Variants in FRMD4A observed in about 807,000 individuals in gnomAD.
FRMD4A encodes FERM domain containing 4A, also known as FERM domain-containing protein 4A.
In FRMD4A, 29 loss-of-function variants were observed where a neutral mutation model predicts 129.1. The ratio of observed to expected loss-of-function variants is 0.22; its 90% CI spans 0.17 to 0.31. The LOEUF is 0.31. Ranked by LOEUF, FRMD4A falls within the 10% of genes least tolerant of loss-of-function variation. The probability of loss-of-function intolerance (pLI) is 1.00; values close to 1 mark genes in which losing one functional copy is unlikely to be tolerated. For missense variants in FRMD4A, 1,272 were observed against 1,375.8 expected (o/e 0.92, Z 1.19); for synonymous variants, 634 against 571.6 (o/e 1.11, Z -1.56).
At chr10:14,264,756 T>C (rs1296551189) in intron 2 of FRMD4A, among the ~76,000 whole-genome samples, 1 of 152,200 alleles carries the variant, frequency 6.6e-6, no homozygotes, top group Non-Finnish European at 1.5e-5. Flanking sequence ...CTGTAATCCA[T>C]TAACATTATC....
chr10:14,105,924 C>G (rs903339712), intron 2 of FRMD4A, among the ~76,000 whole-genome samples: 4 of 152,170 alleles, frequency 2.6e-5, no homozygotes, highest in Non-Finnish European at 5.9e-5. Flanking sequence ...GTGGTGGTAT[C>G]TCCTTCCACC....
At chr10:14,310,103 G>A (rs1453353078) in intron 2 of FRMD4A, among the ~76,000 whole-genome samples, 3 of 152,170 alleles carry the variant, frequency 2.0e-5, no homozygotes, top group Non-Finnish European at 2.9e-5. Context: ...ACCTCTCATC[G>A]AGGATGTGGC....
At chr10:13,890,834 TAAG>T (rs2131161881) in intron 2 of FRMD4A, 2 of 985,322 alleles carry the variant, frequency 2.0e-6, no homozygotes, top group Admixed American at 1.2e-4. Flanking sequence ...GGATGTCTAT[TAAG>T]AAGCCGTCGC....
chr10:14,259,868 G>A (rs1044172279), intron 2 of FRMD4A, among the ~76,000 whole-genome samples: 1 of 151,804 alleles, frequency 6.6e-6, no homozygotes, highest in Non-Finnish European at 1.5e-5. Context: ...CAGCTACATG[G>A]CTCCAGCTGT....
intron 2 of FRMD4A, among the ~76,000 whole-genome samples, chr10:13,964,711 CA>C (rs2095473386): frequency 2.1e-5 from 3 of 145,786 alleles, no homozygotes; most frequent in African/African-American, 5.0e-5. Context: ...TTCGCTCTGT[CA>C]CCAGGCTGGA....
chr10:14,323,618 G>A (rs1198426780), intron 2 of FRMD4A, among the ~76,000 whole-genome samples: 1 of 152,024 alleles, frequency 6.6e-6, no homozygotes. Flanking sequence ...TGATAAAATA[G>A]CATCCTCCCT....
In FRMD4A at chr10:13,657,540, G is replaced by A. The variant is rs758569966; in HGVS notation, c.2067-18C>T. 1 of 1,549,804 alleles carries A rather than the reference G, an allele frequency of 6.5e-7. No homozygotes were observed. The highest frequency in any genetic ancestry group is 1.3e-5 in the African/African-American group (1 of 74,242). On this transcript the variant is annotated intron_variant, in intron 21 of 24. Coordinates refer to ENST00000357447, the MANE Select transcript of FRMD4A (RefSeq NM_018027.5). ...CCACCGACCTGCCGGGAGACGACCC[G>A]GGTTGGTCTGGGGGTGGGGAGTGGG... is the stretch of plus-strand genomic sequence containing the variant.
chr10:14,177,229 G>T (rs1002214952), intron 2 of FRMD4A, among the ~76,000 whole-genome samples: 1 of 151,468 alleles, frequency 6.6e-6, no homozygotes, highest in Non-Finnish European at 1.5e-5. Context: ...ACAAAGTATC[G>T]CTCTGTTGCC....
At chr10:14,090,256 A>T (rs1320825713) in intron 2 of FRMD4A, among the ~76,000 whole-genome samples, 1 of 152,236 alleles carries the variant, frequency 6.6e-6, no homozygotes, top group Non-Finnish European at 1.5e-5. Flanking sequence ...CGTGGTATTC[A>T]CAGGGTACAC....
At chr10:13,781,368 C>CTTTTTTTT (rs1161094661) in intron 6 of FRMD4A, among the ~76,000 whole-genome samples, 2 of 70,710 alleles carry the variant, frequency 2.8e-5, no homozygotes, top group Non-Finnish European at 5.3e-5. Context: ...ATGGATGAAC[C>CTTTTTTTT]TTTTTTTTTT....
intron 2 of FRMD4A, among the ~76,000 whole-genome samples, chr10:14,061,477 G>A (rs1417305921): frequency 2.0e-5 from 3 of 152,066 alleles, no homozygotes; most frequent in East Asian, 1.9e-4. Flanking sequence ...ATAAAAATAA[G>A]CTGTCATTTT....
At chr10:13,927,838 A>T (rs867713319) in intron 2 of FRMD4A, among the ~76,000 whole-genome samples, 43 of 152,210 alleles carry the variant, frequency 2.8e-4, no homozygotes, top group African/African-American at 1.0e-3. Context: ...ATTTGGAGCA[A>T]GTAAGTTAAG....
intron 2 of FRMD4A, among the ~76,000 whole-genome samples, chr10:14,052,975 G>T (rs11818908): frequency 1.3e-5 from 2 of 151,930 alleles, no homozygotes; most frequent in Non-Finnish European, 2.9e-5. Flanking sequence ...CCCACAACCC[G>T]AACATCTCTC....
intron 2 of FRMD4A, among the ~76,000 whole-genome samples, chr10:14,065,371 G>T (rs1222728471): frequency 6.6e-6 from 1 of 152,106 alleles, no homozygotes; most frequent in Non-Finnish European, 1.5e-5. Flanking sequence ...TTTTAGTAGA[G>T]ACAGGGTTTC....
intron 2 of FRMD4A, among the ~76,000 whole-genome samples, chr10:14,257,567 A>G (rs563627921): frequency 9.5e-4 from 144 of 152,318 alleles, no homozygotes; most frequent in Non-Finnish European, 1.7e-3. Flanking sequence ...CTTATTTAAA[A>G]ACTGGATATT....
chr10:14,173,488 G>T lies in FRMD4A; in HGVS notation c.45+156570C>A, dbSNP rs551743244. On this transcript the variant is annotated intron_variant, in intron 2 of 24. Transcript: ENST00000357447. ...TTCTGCAGGTCTGCTATTTTTCCGA[G>T]AACACACTGGCCTCCAGAATGCATT... Among the ~76,000 whole-genome samples the T allele has an allele frequency of 1.1e-4, 17 of 152,236 alleles. No individual in the cohort carries two copies. In the South Asian group the frequency reaches 3.5e-3, roughly 32 times the overall value.
chr10:14,118,084 G>A (rs1838295269), intron 2 of FRMD4A, among the ~76,000 whole-genome samples: 1 of 152,182 alleles, frequency 6.6e-6, no homozygotes, highest in Non-Finnish European at 1.5e-5. Context: ...CTGCCACATG[G>A]TGATATTTTA....
chr10:13,750,206 G>A (rs1283761925), intron 8 of FRMD4A, among the ~76,000 whole-genome samples: 270 of 17,918 alleles, frequency 0.015, 3 homozygotes, highest in Admixed American at 0.03. Flanking sequence ...TCCTGACCAT[G>A]ACCAACTAGA....
chr10:13,708,439 T>G (rs1564661033), intron 12 of FRMD4A, among the ~76,000 whole-genome samples: 1 of 152,256 alleles, frequency 6.6e-6, no homozygotes, highest in Non-Finnish European at 1.5e-5. Context: ...CAATCTGCTC[T>G]CTGGAATTTT....
Sources: gnomAD v4.1 joint callset for allele counts (sites outside exome capture counted in the v4.1 genomes callset) on GRCh38, gnomAD v4.1.1 for gene constraint, MANE v1.5 for transcripts, NCBI Gene and HGNC (gene_info 2026-07-23, HGNC 2026-07-21) for gene names.